Variants in TXNRD1 observed in about 807,000 individuals in gnomAD.
TXNRD1 encodes the protein thioredoxin reductase 1, cytoplasmic.
Under a neutral mutation model 80.3 loss-of-function variants are expected in TXNRD1, and 57 were observed. The ratio of observed to expected loss-of-function variants is 0.71; its 90% confidence interval spans 0.57 to 0.89. TXNRD1 has a LOEUF of 0.89. TXNRD1 is among the 40% of genes least tolerant of loss of function. The pLI is 0.00. For synonymous variants in TXNRD1, 291 were observed against 285.2 expected (o/e 1.02, Z -0.20); for missense variants, 730 against 803.0 (o/e 0.91, Z 1.10).
chr12:104,274,338 A>C (rs756095309), intron 3 of TXNRD1, among the ~76,000 whole-genome samples: 17 of 152,292 alleles, frequency 1.1e-4, no homozygotes, highest in Admixed American at 5.2e-4. Flanking sequence ...GCTCTCAGAG[A>C]AATTAGAGGG....
chr12:104,273,191 G>A (rs2033689699), intron 3 of TXNRD1, among the ~76,000 whole-genome samples: 4 of 152,270 alleles, frequency 2.6e-5, no homozygotes, highest in Admixed American at 6.5e-5. Context: ...CTTATTCAAC[G>A]CAAGACTGTG....
At chr12:104,249,446 T>C (rs1850574378) in intron 1 of TXNRD1, among the ~76,000 whole-genome samples, 1 of 152,172 alleles carries the variant, frequency 6.6e-6, no homozygotes, top group Admixed American at 6.6e-5. Flanking sequence ...TTCACTTTTC[T>C]ATCCATATGT....
chr12:104,325,725 A>T (rs1158895062), intron 11 of TXNRD1, among the ~76,000 whole-genome samples: 1 of 152,182 alleles, frequency 6.6e-6, no homozygotes, highest in Non-Finnish European at 1.5e-5. Context: ...TACAAAAATT[A>T]GCCGGGCGTG....
chr12:104,312,398 G>C (rs377241675), intron 5 of TXNRD1, among the ~76,000 whole-genome samples: 1 of 152,184 alleles, frequency 6.6e-6, no homozygotes, highest in African/African-American at 2.4e-5. Context: ...AGATGAAGTG[G>C]TTATAATTCC....
intron 1 of TXNRD1, among the ~76,000 whole-genome samples, chr12:104,246,019 A>G (rs2032979068): frequency 6.7e-6 from 1 of 149,328 alleles, no homozygotes; most frequent in Admixed American, 6.7e-5. Context: ...AGGTCAAGGC[A>G]GGAGAATGGC....
intron 16 of TXNRD1, among the ~76,000 whole-genome samples, chr12:104,345,267 T>G (rs2036453484): frequency 6.6e-6 from 1 of 152,208 alleles, no homozygotes; most frequent in South Asian, 2.1e-4. Flanking sequence ...TAATAATAAT[T>G]TTTAAACCAG....
chr12:104,314,990 G>T (rs190155677), intron 6 of TXNRD1, among the ~76,000 whole-genome samples: 23 of 151,980 alleles, frequency 1.5e-4, no homozygotes, highest in Non-Finnish European at 2.8e-4. Flanking sequence ...TGATCCACCC[G>T]CCTCGGCCTC....
At chr12:104,241,098 G>A (rs2032852165) in intron 1 of TXNRD1, among the ~76,000 whole-genome samples, 2 of 151,186 alleles carry the variant, frequency 1.3e-5, no homozygotes, top group South Asian at 4.2e-4. Flanking sequence ...GGAGTGCAGT[G>A]GCATGGTCTC....
chr12:104,304,870 G>T (rs754921010), intron 4 of TXNRD1: 1 of 1,613,160 alleles, frequency 6.2e-7, no homozygotes, highest in South Asian at 1.1e-5. Flanking sequence ...TGACTTTACA[G>T]GAGTGGAAAA....
chr12:104,268,220 GA>G (rs2033576814), intron 3 of TXNRD1, among the ~76,000 whole-genome samples: 1 of 150,164 alleles, frequency 6.7e-6, no homozygotes, highest in Admixed American at 6.6e-5. Flanking sequence ...TTTTGAAATG[GA>G]GTATCACTGG....
At chr12:104,339,356 G>A (rs1010207564) in intron 16 of TXNRD1, 83 bp downstream of exon 16, 34 of 1,566,840 alleles carry the variant, frequency 2.2e-5, no homozygotes, top group South Asian at 3.3e-5. Flanking sequence ...CATGGCAGAT[G>A]TAGGACCCTG....
At chr12:104,332,442 T>C (rs1489270499) in intron 14 of TXNRD1, among the ~76,000 whole-genome samples, 1 of 152,182 alleles carries the variant, frequency 6.6e-6, no homozygotes, top group Non-Finnish European at 1.5e-5. Flanking sequence ...ATTAACCTTT[T>C]TTTCTGATTA....
chr12:104,286,069 TG>T (rs2033965427), intron 3 of TXNRD1: 1 of 152,254 alleles, frequency 6.6e-6, no homozygotes, highest in Non-Finnish European at 1.5e-5. Context: ...AGTGGTTGCC[TG>T]TTTGTTTAGA....
intron 15 of TXNRD1, among the ~76,000 whole-genome samples, chr12:104,338,227 A>C (rs1760337752): frequency 6.6e-6 from 1 of 151,928 alleles, no homozygotes; most frequent in Admixed American, 6.6e-5. Context: ...CATTTTGGTG[A>C]TTAAAGACTT....
chr12:104,232,855 A>C (rs2032655811), intron 1 of TXNRD1, among the ~76,000 whole-genome samples: 1 of 152,232 alleles, frequency 6.6e-6, no homozygotes, highest in African/African-American at 2.4e-5. Context: ...CATACCAAAC[A>C]AAGAAAAGCA....
intron 3 of TXNRD1, chr12:104,286,632 C>A (rs2033976845): frequency 1.3e-6 from 1 of 741,410 alleles, no homozygotes; most frequent in Non-Finnish European, 1.6e-6. Flanking sequence ...ACACTCCACA[C>A]CAATGACATC....
At chr12:104,229,795 G>C (rs1450036117) in intron 1 of TXNRD1, among the ~76,000 whole-genome samples, 2 of 151,798 alleles carry the variant, frequency 1.3e-5, no homozygotes, top group Non-Finnish European at 2.9e-5. Flanking sequence ...GTTGCACCAT[G>C]TTGGTCAGGC....
chr12:104,338,980 T>C (rs1228844888), intron 15 of TXNRD1, among the ~76,000 whole-genome samples, 159 bp from the exon 16 acceptor site: 2 of 152,142 alleles, frequency 1.3e-5, no homozygotes, highest in African/African-American at 4.8e-5. Flanking sequence ...CCTCCCAAAG[T>C]GCTGGGATTA....
rs754069073 is a variant in TXNRD1 at position 104,304,504 on chromosome 12, A to G, written c.415-6786A>G. 3.7e-6 allele frequency: 6 copies of G among 1,614,030 alleles called. No individual in the cohort carries two copies. The Admixed American group carries it at 6.7e-5, about 18-fold the overall frequency. On this transcript the variant is annotated intron_variant, in intron 4 of 16. Coordinates refer to ENST00000525566, the MANE Select transcript of TXNRD1 (RefSeq NM_001093771.3). ...CAAAGCCCCGACTTGAACACCAGAA[A>G]AAAGTTCGCAAGATGGAAGAAAATG...
Sources: allele counts gnomAD v4.1 joint callset (sites outside exome capture counted in the v4.1 genomes callset), GRCh38; gene constraint gnomAD v4.1.1; transcripts MANE v1.5; gene names NCBI Gene and HGNC (gene_info 2026-07-23, HGNC 2026-07-21).